Variants in FCHSD2 observed in about 807,000 individuals in gnomAD.
FCHSD2 encodes the protein FCH and double SH3 domains 2.
FCHSD2 carries 38 observed loss-of-function variants against 108.1 expected under a neutral mutation model. The observed-to-expected ratio is 0.35, with a 90% CI of 0.27 to 0.46. The LOEUF (loss-of-function observed/expected upper bound fraction) is 0.46, where lower values mean the gene tolerates loss of function less well. Among genes scored for constraint, FCHSD2 ranks in the 20% least tolerant of loss-of-function variants. The probability of loss-of-function intolerance (pLI) is 1.00; values close to 1 mark genes in which losing one functional copy is unlikely to be tolerated. For synonymous variants in FCHSD2, 279 were observed against 314.7 expected (o/e 0.89, Z 1.20); for missense variants, 751 against 897.8 (o/e 0.84, Z 2.09).
At chr11:72,918,081 T>A (rs1855911449) in intron 9 of FCHSD2, among the ~76,000 whole-genome samples, 1 of 152,182 alleles carries the variant, frequency 6.6e-6, no homozygotes. Flanking sequence ...TTCAGCAATG[T>A]TTTATAGTTT....
chr11:72,985,157 A>AATT (rs761993892), intron 6 of FCHSD2, 41 bp from the exon 7 acceptor site: 1 of 554,336 alleles, frequency 1.8e-6, no homozygotes, highest in South Asian at 3.1e-5. Context: ...AAAATCATCT[A>AATT]ATTATATCAC....
intron 2 of FCHSD2, among the ~76,000 whole-genome samples, chr11:73,098,407 AATACTTT>A (rs1160581641): frequency 6.6e-6 from 1 of 151,904 alleles, no homozygotes; most frequent in African/African-American, 2.4e-5. Flanking sequence ...GGGTAAAGAA[AATACTTT>A]ATATGATTTT....
chr11:73,081,653 A>G (rs1447847163), intron 3 of FCHSD2, among the ~76,000 whole-genome samples: 1 of 151,882 alleles, frequency 6.6e-6, no homozygotes, highest in African/African-American at 2.4e-5. Context: ...CAGCCTCCCC[A>G]CTAGCTGGGA....
In FCHSD2 at chr11:72,887,485, A is replaced by G; in HGVS notation, c.1131T>C (p.Asn377=). Residue 377 remains asparagine (N), a synonymous_variant, in exon 12 of 20, where the codon AAT becomes AAC. Transcript: ENST00000409418. ...LEQKIDEARE[N]IRKAEIIKLK... The stretch of plus-strand genomic sequence containing the variant: ...GCCACCTTACCTCTGCTTTACGAAT[A>G]TTTTCTCTAGCTTCATCTATTTTCT... 6.2e-7 allele frequency: 1 copy of G among 1,604,226 alleles called. No individual in the cohort carries two copies. The highest frequency in any genetic ancestry group is 8.5e-7 in the Non-Finnish European group (1 of 1,175,868).
intron 2 of FCHSD2, among the ~76,000 whole-genome samples, chr11:73,137,481 G>C (rs1861146651): frequency 6.6e-6 from 1 of 152,102 alleles, no homozygotes; most frequent in Admixed American, 6.5e-5. Flanking sequence ...CCCCTACAGA[G>C]TGTATACAGT....
intron 8 of FCHSD2, chr11:72,940,537 A>T (rs142402738): frequency 1.2e-5 from 12 of 965,232 alleles, no homozygotes; most frequent in Middle Eastern, 3.0e-4. Flanking sequence ...ATGGAGAAAG[A>T]AGTAGTCTCA....
chr11:72,837,551 A>ACAGTCGACAGCG lies in FCHSD2; in HGVS notation c.*1239_*1240insCGCTGTCGACTG, dbSNP rs1565278192. ...CCTACCTTCTACAGGAGCGGACAGCAGACAGTCAGCACCTGACGTGGGGGC... is the reference window on the plus strand; with the variant it reads ...CCTACCTTCTACAGGAGCGGACAGCACAGTCGACAGCGGACAGTCAGCACCTGACGTGGGGGC... On this transcript the variant is annotated 3_prime_UTR_variant, in exon 20 of 20. Coordinates refer to ENST00000409418, the MANE Select transcript of FCHSD2 (RefSeq NM_014824.3). 5 of 152,238 alleles carry ACAGTCGACAGCG rather than the reference A, an allele frequency of 3.3e-5. No individual in the cohort carries two copies. In the East Asian group the frequency reaches 9.7e-4, roughly 29 times the overall value. 9.4% of individuals were successfully genotyped at this position (152,238 alleles called of 1,614,324 possible). A position where few individuals can be genotyped will look rare whatever the true frequency, so the allele number is the denominator to read the frequency against.
chr11:72,915,367 A>G (rs1382688995), intron 9 of FCHSD2, among the ~76,000 whole-genome samples: 2 of 152,122 alleles, frequency 1.3e-5, no homozygotes, highest in African/African-American at 4.8e-5. Context: ...AGACAGAAAA[A>G]CCATTTGACC....
chr11:73,140,199 C>T lies in FCHSD2; in HGVS notation c.22-71G>A, dbSNP rs1431111762. 2.7e-5 allele frequency: 21 copies of T among 778,124 alleles called. No individual in the cohort carries two copies. In the East Asian group the frequency reaches 3.3e-4, roughly 12 times the overall value. The allele number at this position is 778,124 out of a possible 1,614,324, so 48.2% of individuals were successfully genotyped here. The stretch of plus-strand genomic sequence containing the variant: ...CCAAAAAAATTGCTTCAGGAAAATA[C>T]ATCTGTCAGAATATGTCTCTTGCTC... On this transcript the variant is annotated intron_variant, in intron 1 of 19. Transcript: ENST00000409418.
intron 2 of FCHSD2, among the ~76,000 whole-genome samples, chr11:73,136,135 G>A (rs1385330963): frequency 6.0e-5 from 9 of 151,078 alleles, no homozygotes; most frequent in Admixed American, 5.9e-4. Flanking sequence ...ATTCCAGCCT[G>A]GGCAACAGAG....
chr11:72,985,852 C>T (rs758345204), intron 6 of FCHSD2, among the ~76,000 whole-genome samples: 63 of 152,080 alleles, frequency 4.1e-4, no homozygotes, highest in South Asian at 2.1e-4. Flanking sequence ...AGTCAACAGA[C>T]AAATGCTAGG....
At chr11:72,886,094 G>A (rs541715991) in intron 12 of FCHSD2, among the ~76,000 whole-genome samples, 1 of 152,196 alleles carries the variant, frequency 6.6e-6, no homozygotes, top group South Asian at 2.1e-4. Flanking sequence ...GTTCTAAGGG[G>A]GTGTTAGAAA....
rs564274824 is a variant in FCHSD2, at chr11:73,025,506, G to A, written c.166-9621C>T. Among the ~76,000 whole-genome samples the A allele has an allele frequency of 2.0e-5, 3 of 152,218 alleles. No individual in the cohort carries two copies. The South Asian group carries it at 6.2e-4, about 32-fold the overall frequency. On this transcript the variant is annotated intron_variant, in intron 3 of 19. Coordinates refer to ENST00000409418, the MANE Select transcript of FCHSD2 (RefSeq NM_014824.3). Reference sequence around the variant, plus strand: ...GCCTTTTGGAGGGTGGAGGGTGGGAGGAGGGAGATAATGAGAAAAAAATAA... The same window carrying A: ...GCCTTTTGGAGGGTGGAGGGTGGGAAGAGGGAGATAATGAGAAAAAAATAA...
intron 2 of FCHSD2, among the ~76,000 whole-genome samples, chr11:73,086,938 T>C (rs1205058330): frequency 6.6e-6 from 1 of 152,130 alleles, no homozygotes; most frequent in Non-Finnish European, 1.5e-5. Flanking sequence ...TTATGCAAGG[T>C]GAAATAAGTC....
chr11:73,033,223 G>A (rs547075919), intron 3 of FCHSD2, among the ~76,000 whole-genome samples: 2 of 151,906 alleles, frequency 1.3e-5, no homozygotes, highest in South Asian at 2.1e-4. Flanking sequence ...GGGAGGCGGA[G>A]GTTGCAGTGA....
intron 5 of FCHSD2, among the ~76,000 whole-genome samples, chr11:72,997,045 G>T (rs1209935124): frequency 6.6e-6 from 1 of 152,108 alleles, no homozygotes; most frequent in East Asian, 1.9e-4. Context: ...CTAGAAAGAG[G>T]GGTACTGCAG....
At chr11:72,859,392 G>A (rs931332470) in intron 13 of FCHSD2, among the ~76,000 whole-genome samples, 40 of 152,106 alleles carry the variant, frequency 2.6e-4, no homozygotes, top group African/African-American at 8.7e-4. Context: ...ACCATATCAC[G>A]GTGCTTGTGT....
chr11:72,930,894 T>C (rs531255201), intron 8 of FCHSD2, among the ~76,000 whole-genome samples: 69 of 152,286 alleles, frequency 4.5e-4, no homozygotes, highest in Admixed American at 9.2e-4. Flanking sequence ...AGGGTGACTA[T>C]AGTCAATAAT....
chr11:72,945,272 A>G (rs937071209), intron 8 of FCHSD2, among the ~76,000 whole-genome samples: 3 of 152,204 alleles, frequency 2.0e-5, no homozygotes, highest in Non-Finnish European at 4.4e-5. Context: ...GATCTTTGAC[A>G]AACCTGACAA....
Sources: allele counts gnomAD v4.1 joint callset (sites outside exome capture counted in the v4.1 genomes callset), GRCh38; gene constraint gnomAD v4.1.1; transcripts MANE v1.5; gene names NCBI Gene and HGNC (gene_info 2026-07-23, HGNC 2026-07-21).